ATP6V0A1: variants seen among roughly 807,000 people sequenced by gnomAD.
The protein encoded by ATP6V0A1 is V-type proton ATPase 116 kDa subunit a 1.
ATP6V0A1 carries 43 observed loss-of-function variants against 105.4 expected under a neutral mutation model. The ratio of observed to expected loss-of-function variants is 0.41; its 90% CI spans 0.32 to 0.53. ATP6V0A1 has a LOEUF of 0.53. Ranked by LOEUF, ATP6V0A1 falls within the 20% of genes least tolerant of loss-of-function variation. The pLI, the probability that ATP6V0A1 is intolerant of heterozygous loss-of-function variation, is 0.30. For synonymous variants in ATP6V0A1, 362 were observed against 372.8 expected (o/e 0.97, Z 0.33); for missense variants, 676 against 1,051.1 (o/e 0.64, Z 4.93).
At position 42,497,545 on chromosome 17, in the gene ATP6V0A1, G is replaced by A. The variant is rs552662286; in HGVS notation, c.1561-1379G>A. ...AAAAATTAGCCAGGCGTGGTGGCGA[G>A]CACCTGTAATTCCAGCTACTCGGGA... On this transcript the variant is annotated intron_variant, in intron 14 of 21. Coordinates refer to ENST00000343619, the MANE Select transcript of ATP6V0A1 (RefSeq NM_001130021.3). Among the ~76,000 whole-genome samples the A allele has an allele frequency of 2.0e-4, 31 of 151,364 alleles. No individual in the cohort carries two copies. The South Asian group carries it at 5.4e-3, about 27-fold the overall frequency.
chr17:42,501,470 A>G (rs1174093797), intron 17 of ATP6V0A1, among the ~76,000 whole-genome samples, 166 bp downstream of exon 17: 3 of 151,910 alleles, frequency 2.0e-5, no homozygotes, highest in Non-Finnish European at 4.4e-5. Context: ...GCTGGGGTGC[A>G]GTGGTACGAT....
At chr17:42,461,079 T>G in intron 2 of ATP6V0A1, 68 bp downstream of exon 2, 5 of 1,304,110 alleles carry the variant, frequency 3.8e-6, no homozygotes, top group Non-Finnish European at 5.5e-6. Context: ...AGATGCCTTA[T>G]GATGAATGTT....
rs772395075 is a variant in ATP6V0A1, at chr17:42,521,141, C to T, written c.*21C>T. 2 of 1,569,072 alleles carry T rather than the reference C, an allele frequency of 1.3e-6. No individual in the cohort carries two copies. The highest frequency in any genetic ancestry group is 8.7e-7 in the Non-Finnish European group (1 of 1,151,654). ...AGTGAGTCCCTGTGAGGGCCGTGTG[C>T]CCCATGCTACCCTCCCCGCCTCCCT... On this transcript the variant is annotated 3_prime_UTR_variant, in exon 22 of 22. Transcript: ENST00000343619. The surrounding 1 kb of genome is among the most constrained non-coding windows in gnomAD (Gnocchi z 4.8).
At chr17:42,497,251 G>T in intron 14 of ATP6V0A1, among the ~76,000 whole-genome samples, 1 of 136,944 alleles carries the variant, frequency 7.3e-6, no homozygotes, top group East Asian at 2.2e-4. Flanking sequence ...AGTGAGCCAA[G>T]ATCACGTAAC....
intron 21 of ATP6V0A1, chr17:42,520,765 C>T: frequency 2.1e-6 from 1 of 476,756 alleles, no homozygotes; most frequent in Non-Finnish European, 3.9e-6. Context: ...TGCCTCTCTG[C>T]AGAGAGTTGT....
At chr17:42,505,895 G>C (rs919655339) in intron 17 of ATP6V0A1, among the ~76,000 whole-genome samples, 1 of 150,306 alleles carries the variant, frequency 6.7e-6, no homozygotes, top group Non-Finnish European at 1.5e-5. Context: ...TTCAGCAGTT[G>C]TCCTGCTTCA....
intron 16 of ATP6V0A1, 69 bp from the exon 17 acceptor site, chr17:42,501,128 A>G (rs2091633756): frequency 7.5e-7 from 1 of 1,336,612 alleles, no homozygotes. Flanking sequence ...TTTGTGCCAT[A>G]TTTGGAAACT....
At chr17:42,486,700 T>C (rs1020610442) in intron 9 of ATP6V0A1, among the ~76,000 whole-genome samples, 1 of 151,952 alleles carries the variant, frequency 6.6e-6, no homozygotes, top group Non-Finnish European at 1.5e-5. Flanking sequence ...TGTAGGCTGG[T>C]GGTGGTATTC....
intron 19 of ATP6V0A1, 71 bp downstream of exon 19, chr17:42,508,660 C>T: frequency 6.3e-7 from 1 of 1,593,538 alleles, no homozygotes; most frequent in South Asian, 1.1e-5. Flanking sequence ...GATCACTCTG[C>T]TGACCCTGCC....
At chr17:42,469,943 C>A in intron 4 of ATP6V0A1, 147 bp from the exon 5 acceptor site, 1 of 823,450 alleles carries the variant, frequency 1.2e-6, no homozygotes, top group Non-Finnish European at 1.8e-6. Flanking sequence ...AAGAAAATTG[C>A]TCTAGTAAAA....
intron 21 of ATP6V0A1, among the ~76,000 whole-genome samples, chr17:42,516,420 C>T (rs975871919): frequency 3.9e-5 from 6 of 152,296 alleles, no homozygotes; most frequent in Admixed American, 1.3e-4. Context: ...TGGCCTCCCT[C>T]CTCCCCACCC....
At chr17:42,512,432 T>C (rs2092390013) in intron 19 of ATP6V0A1, among the ~76,000 whole-genome samples, 1 of 152,122 alleles carries the variant, frequency 6.6e-6, no homozygotes, top group African/African-American at 2.4e-5. Context: ...TTCCTCTCAA[T>C]GCGGGCCCTG....
intron 19 of ATP6V0A1, chr17:42,511,001 C>A (rs1233336565): frequency 6.6e-6 from 1 of 151,978 alleles, no homozygotes; most frequent in Non-Finnish European, 1.5e-5. Context: ...GTCTGCTGGA[C>A]ATGGGAGATG....
Position 42,520,886 on chromosome 17 carries a change from T to C in ATP6V0A1, c.2421-141T>C, listed in dbSNP as rs1443209743. ...GGCCTTAAAAGTGGGATCTCTGCAC[T>C]CTGGGCTTTCTCTAGCTTCCCCAGG... is the stretch of plus-strand genomic sequence containing the variant. On this transcript the variant is annotated intron_variant, in intron 21 of 21. Transcript: ENST00000343619. The C allele has an allele frequency of 6.8e-6, 5 of 730,688 alleles. No individual in the cohort carries two copies. The African/African-American group carries it at 8.8e-5, about 13-fold the overall frequency. The allele number at this position is 730,688 out of a possible 1,614,324, so 45.3% of individuals were successfully genotyped here.
At chr17:42,510,160 A>AT (rs1183379419) in intron 19 of ATP6V0A1, 1 of 152,176 alleles carries the variant, frequency 6.6e-6, no homozygotes, top group Non-Finnish European at 1.5e-5. Context: ...GGAAATCTTC[A>AT]AAGGCCGTGA....
chr17:42,467,888 A>G (rs962045724), intron 3 of ATP6V0A1, 122 bp from the exon 4 acceptor site: 1 of 297,116 alleles, frequency 3.4e-6, no homozygotes, highest in African/African-American at 2.3e-5. Flanking sequence ...ATATATATAT[A>G]AAGTATCTTT....
chr17:42,481,598 C>T (rs906939019), intron 8 of ATP6V0A1, among the ~76,000 whole-genome samples: 4 of 152,072 alleles, frequency 2.6e-5, no homozygotes, highest in Non-Finnish European at 5.9e-5. Context: ...AATCCCAACA[C>T]TTTGGGAGGC....
chr17:42,500,959 T>G, intron 16 of ATP6V0A1, 36 bp downstream of exon 16: 1 of 1,578,242 alleles, frequency 6.3e-7, no homozygotes, highest in East Asian at 2.2e-5. Context: ...CTGAGATGAT[T>G]ATACTTGATC....
intron 7 of ATP6V0A1, 181 bp from the exon 8 acceptor site, chr17:42,480,486 T>C: frequency 1.9e-6 from 1 of 524,082 alleles, no homozygotes; most frequent in South Asian, 2.8e-5. Context: ...TTAGAGATTA[T>C]AGGGCAGATG....
Sources: allele counts gnomAD v4.1 joint callset (sites outside exome capture counted in the v4.1 genomes callset), GRCh38; gene constraint gnomAD v4.1.1; non-coding constraint Gnocchi (gnomAD v3.1); transcripts MANE v1.5; gene names NCBI Gene and HGNC (gene_info 2026-07-23, HGNC 2026-07-21).